SEC23B: variants seen among roughly 807,000 people sequenced by gnomAD.
The protein encoded by SEC23B is SEC23 homolog B, COPII component, also known as protein transport protein Sec23B.
SEC23B carries 77 observed loss-of-function variants against 104.3 expected under a neutral mutation model. That is an observed-to-expected ratio of 0.74 (90% CI 0.61 to 0.89). The LOEUF is 0.89. SEC23B is among the 40% of genes least tolerant of loss of function. The pLI is 0.00. For missense variants in SEC23B, 885 were observed against 949.4 expected, an observed-to-expected ratio of 0.93 and a Z score of 0.89; for synonymous variants, 338 against 332.5, an observed-to-expected ratio of 1.02 and a Z score of -0.18.
At chr20:18,536,813 T>C (rs1262061704) in intron 12 of SEC23B, among the ~76,000 whole-genome samples, 1 of 152,180 alleles carries the variant, frequency 6.6e-6, no homozygotes, top group Non-Finnish European at 1.5e-5. Flanking sequence ...AAGTAATATA[T>C]ATTATGTCCT....
At position 18,515,821 on chromosome 20, in the gene SEC23B, G is replaced by A. The variant is rs928801834; in HGVS notation, c.366+85G>A. On this transcript the variant is annotated intron_variant, in intron 4 of 19. Coordinates refer to ENST00000650089, the MANE Select transcript of SEC23B (RefSeq NM_006363.6). ...CTTTGTCTTCCATGTCTCTTACCTG[G>A]GCAGGGGACTTAAAGCTGTGAGGGC... The A allele has an allele frequency of 5.6e-6, 5 of 891,180 alleles. No individual in the cohort carries two copies. The African/African-American group carries it at 6.6e-5, about 12-fold the overall frequency. The allele number at this position is 891,180 out of a possible 1,614,324, so 55.2% of individuals were successfully genotyped here. A position where few individuals can be genotyped will look rare whatever the true frequency, so the allele number is the denominator to read the frequency against.
intron 17 of SEC23B, among the ~76,000 whole-genome samples, chr20:18,553,965 A>G (rs1016785785): frequency 3.9e-5 from 6 of 152,136 alleles, no homozygotes; most frequent in African/African-American, 1.4e-4. Flanking sequence ...GGGATGAGTA[A>G]TCCATGGGCT....
chr20:18,527,032 A>G (rs553211058), intron 8 of SEC23B, among the ~76,000 whole-genome samples: 8 of 152,374 alleles, frequency 5.3e-5, no homozygotes, highest in East Asian at 1.9e-4. Flanking sequence ...TCTTGCCAAC[A>G]TGGCGAAACG....
intron 10 of SEC23B, 151 bp from the exon 11 acceptor site, chr20:18,532,513 T>C: frequency 1.4e-6 from 1 of 701,106 alleles, no homozygotes; most frequent in Non-Finnish European, 2.6e-6. Flanking sequence ...GAGGAAAAGT[T>C]TGTAGGACTA....
At chr20:18,550,437 A>G (rs1315893131) in intron 16 of SEC23B, among the ~76,000 whole-genome samples, 1 of 152,198 alleles carries the variant, frequency 6.6e-6, no homozygotes, top group Non-Finnish European at 1.5e-5. Flanking sequence ...GTTTACAGGC[A>G]TGAGCCACTA....
At chr20:18,560,186 A>G (rs16979340) in intron 19 of SEC23B, among the ~76,000 whole-genome samples, 14,339 of 152,020 alleles carry the variant, frequency 0.094, 858 homozygotes, top group East Asian at 0.27. Flanking sequence ...AATTTTTCCC[A>G]TAACATTAAT....
rs568996890 is a variant in SEC23B at position 18,537,673 on chromosome 20, A to G, written c.1404+1931A>G. On this transcript the variant is annotated intron_variant, in intron 12 of 19. Coordinates refer to ENST00000650089, the MANE Select transcript of SEC23B (RefSeq NM_006363.6). Reference sequence around the variant, plus strand: ...AATGGGTACAGCACACCAGCATGGCACATGTATACATATGTAACTAACCTG... The same window carrying G: ...AATGGGTACAGCACACCAGCATGGCGCATGTATACATATGTAACTAACCTG... Among the ~76,000 whole-genome samples, 401 of 152,298 alleles carry G rather than the reference A, an allele frequency of 2.6e-3. 1 individual carries two copies. Among genetic ancestry groups the G allele is most frequent in the Middle Eastern group, 6.8e-3 (2 of 294 alleles).
chr20:18,513,342 CAAAA>C (rs1245148138), intron 3 of SEC23B, among the ~76,000 whole-genome samples: 3 of 112,574 alleles, frequency 2.7e-5, no homozygotes, highest in African/African-American at 9.8e-5. Flanking sequence ...GCAAGAGTGT[CAAAA>C]AAAAAAAAAA....
chr20:18,507,732 G>T (rs1266804165), upstream of SEC23B: 1 of 152,306 alleles, frequency 6.6e-6, no homozygotes, highest in Non-Finnish European at 1.5e-5. Context: ...CGTGTTCCGA[G>T]GAACTCTCGT....
intron 12 of SEC23B, among the ~76,000 whole-genome samples, chr20:18,540,379 C>T (rs1350948518): frequency 6.6e-6 from 1 of 152,012 alleles, no homozygotes; most frequent in Non-Finnish European, 1.5e-5. Context: ...TGAAAGGAGT[C>T]TTTTTTTTCC....
intron 3 of SEC23B, 86 bp from the exon 4 acceptor site, chr20:18,515,564 T>C: frequency 5.0e-6 from 4 of 797,190 alleles, no homozygotes; most frequent in Non-Finnish European, 8.8e-6. Flanking sequence ...CCTCTCGTCT[T>C]GGCATCATTA....
chr20:18,556,140 C>T lies in SEC23B; in HGVS notation c.2214+967C>T, dbSNP rs117521112. Among the ~76,000 whole-genome samples, 280 of 152,128 alleles carry T rather than the reference C, an allele frequency of 1.8e-3. 6 individuals carry two copies. In the East Asian group the frequency reaches 0.043, roughly 23 times the overall value. On this transcript the variant is annotated intron_variant, in intron 19 of 19. Coordinates refer to ENST00000650089, the MANE Select transcript of SEC23B (RefSeq NM_006363.6). ...GAGGTGGAGCTCAGGTGGTAATGCA[C>T]GTGATGGGGGAGCAGCTGTAAATAC...
rs117691990 is a variant in SEC23B, at chr20:18,514,033, G to A, written c.280-1617G>A. Among the ~76,000 whole-genome samples the A allele has an allele frequency of 8.0e-3, 1,214 of 152,322 alleles. 8 individuals carry two copies. Among genetic ancestry groups the A allele is most frequent in the Middle Eastern group, 0.014 (4 of 294 alleles). ...TGAGTTAATGAGTATAAAGGACTTA[G>A]AACAGTGCTTGACACATGGTAAGTG... On this transcript the variant is annotated intron_variant, in intron 3 of 19. Coordinates refer to ENST00000650089, the MANE Select transcript of SEC23B (RefSeq NM_006363.6).
At chr20:18,530,452 C>G (rs997034018) in intron 9 of SEC23B, among the ~76,000 whole-genome samples, 43 of 152,104 alleles carry the variant, frequency 2.8e-4, no homozygotes, top group African/African-American at 1.0e-3. Flanking sequence ...CTAGGCTGGT[C>G]TTGAACTCCT....
At chr20:18,518,034 A>C (rs2060045877) in intron 4 of SEC23B, among the ~76,000 whole-genome samples, 1 of 152,116 alleles carries the variant, frequency 6.6e-6, no homozygotes, top group African/African-American at 2.4e-5. Context: ...GTGTGTTTTT[A>C]AAAGACCATT....
At chr20:18,550,733 G>A (rs910281855) in intron 16 of SEC23B, among the ~76,000 whole-genome samples, 7 of 152,116 alleles carry the variant, frequency 4.6e-5, no homozygotes, top group African/African-American at 1.7e-4. Flanking sequence ...GCTGAGGTGG[G>A]AGGGTCACTT....
At chr20:18,526,078 TC>T in intron 7 of SEC23B, 146 bp downstream of exon 7, 1 of 1,045,414 alleles carries the variant, frequency 9.6e-7, no homozygotes, top group Non-Finnish European at 1.4e-6. Context: ...TCATTATCAT[TC>T]ACGTTGAGGG....
At chr20:18,532,057 G>C (rs975315931) in intron 10 of SEC23B, among the ~76,000 whole-genome samples, 3 of 152,314 alleles carry the variant, frequency 2.0e-5, no homozygotes, top group Non-Finnish European at 4.4e-5. Context: ...CAGTTGGCGG[G>C]GCAGGTCAGG....
At chr20:18,545,810 G>T (rs2060326441) in intron 14 of SEC23B, 146 bp from the exon 15 acceptor site, 1 of 685,372 alleles carries the variant, frequency 1.5e-6, no homozygotes, top group Non-Finnish European at 2.7e-6. Flanking sequence ...TGATGCTTGA[G>T]AAGTGCTAGT....
Sources: gnomAD v4.1 joint callset for allele counts (sites outside exome capture counted in the v4.1 genomes callset) on GRCh38, gnomAD v4.1.1 for gene constraint, MANE v1.5 for transcripts, NCBI Gene and HGNC (gene_info 2026-07-23, HGNC 2026-07-21) for gene names.